Variants in KCND2 observed in about 807,000 individuals in gnomAD.
KCND2 encodes the protein A-type voltage-gated potassium channel KCND2.
Under a neutral mutation model 54.4 loss-of-function variants are expected in KCND2, and 16 were observed. The ratio of observed to expected loss-of-function variants is 0.29; its 90% confidence interval spans 0.20 to 0.45. KCND2 has a LOEUF of 0.45. Ranked by LOEUF, KCND2 falls within the 20% of genes least tolerant of loss-of-function variation. The pLI is 1.00. For missense variants in KCND2, 486 were observed against 824.2 expected (o/e 0.59, Z 5.02); for synonymous variants, 317 against 310.7 (o/e 1.02, Z -0.21).
At chr7:120,380,521 T>A (rs940262374) in intron 1 of KCND2, among the ~76,000 whole-genome samples, 1 of 152,006 alleles carries the variant, frequency 6.6e-6, no homozygotes, top group Admixed American at 6.6e-5. Context: ...TACAAAACAA[T>A]TGAAAGAGTC....
At chr7:120,565,729 T>A (rs1033936844) in intron 1 of KCND2, among the ~76,000 whole-genome samples, 1 of 152,218 alleles carries the variant, frequency 6.6e-6, no homozygotes, top group African/African-American at 2.4e-5. Context: ...GTTCCTTCTT[T>A]GAAAGATAGA....
chr7:120,541,785 T>C (rs1396067475), intron 1 of KCND2, among the ~76,000 whole-genome samples: 2 of 152,162 alleles, frequency 1.3e-5, no homozygotes, highest in East Asian at 3.8e-4. Flanking sequence ...AAATGGGCCA[T>C]ATTATGTCAC....
intron 1 of KCND2, among the ~76,000 whole-genome samples, chr7:120,385,617 T>C (rs1800976825): frequency 6.6e-6 from 1 of 152,142 alleles, no homozygotes; most frequent in Non-Finnish European, 1.5e-5. Flanking sequence ...ATAACTTATG[T>C]AGATAAACAG....
intron 1 of KCND2, among the ~76,000 whole-genome samples, chr7:120,584,974 G>A (rs1792574230): frequency 6.6e-6 from 1 of 152,184 alleles, no homozygotes; most frequent in African/African-American, 2.4e-5. Flanking sequence ...TTAATTAGAA[G>A]AGTGACTTTT....
At chr7:120,539,052 G>A (rs1427173318) in intron 1 of KCND2, among the ~76,000 whole-genome samples, 3 of 149,798 alleles carry the variant, frequency 2.0e-5, no homozygotes, top group Admixed American at 1.3e-4. Flanking sequence ...TAAATTATAA[G>A]TAATATGTAT....
intron 1 of KCND2, among the ~76,000 whole-genome samples, chr7:120,470,743 G>A (rs1436319257): frequency 1.3e-5 from 2 of 151,950 alleles, no homozygotes; most frequent in African/African-American, 4.8e-5. Context: ...TGTATATAAG[G>A]AGGGAAAGAG....
intron 1 of KCND2, among the ~76,000 whole-genome samples, chr7:120,483,894 G>T (rs929979921): frequency 4.6e-5 from 7 of 152,160 alleles, no homozygotes; most frequent in Non-Finnish European, 8.8e-5. Context: ...GTATGAGCAG[G>T]TTTCTGAGTG....
chr7:120,686,156 G>A (rs1424173676), intron 1 of KCND2, among the ~76,000 whole-genome samples: 1 of 152,146 alleles, frequency 6.6e-6, no homozygotes, highest in African/African-American at 2.4e-5. Context: ...AGATTAAATG[G>A]TAAATGGATA....
intron 1 of KCND2, among the ~76,000 whole-genome samples, chr7:120,563,026 G>A (rs948811120): frequency 6.6e-6 from 1 of 152,140 alleles, no homozygotes; most frequent in African/African-American, 2.4e-5. Context: ...ATTTGGATTA[G>A]AAATGTCATG....
chr7:120,625,198 C>T (rs990911060), intron 1 of KCND2, among the ~76,000 whole-genome samples: 7 of 152,036 alleles, frequency 4.6e-5, no homozygotes, highest in African/African-American at 1.7e-4. Context: ...TATTGCATCA[C>T]TTAGATCCGA....
At chr7:120,471,543 AG>A (rs1177846116) in intron 1 of KCND2, among the ~76,000 whole-genome samples, 14 of 152,102 alleles carry the variant, frequency 9.2e-5, no homozygotes, top group African/African-American at 3.4e-4. Flanking sequence ...TGACTTGGGT[AG>A]CATTCTAATA....
intron 1 of KCND2, among the ~76,000 whole-genome samples, chr7:120,674,817 A>G (rs1792038336): frequency 6.6e-6 from 1 of 152,222 alleles, no homozygotes; most frequent in African/African-American, 2.4e-5. Flanking sequence ...ATATTCTACC[A>G]GGTGAGTGTG....
At chr7:120,526,918 T>TG (rs1332616568) in intron 1 of KCND2, among the ~76,000 whole-genome samples, 1 of 152,162 alleles carries the variant, frequency 6.6e-6, no homozygotes, top group African/African-American at 2.4e-5. Context: ...TAAGGTAATA[T>TG]GACTTCCTTA....
chr7:120,646,128 T>C (rs1433615839), intron 1 of KCND2, among the ~76,000 whole-genome samples: 2 of 152,226 alleles, frequency 1.3e-5, no homozygotes, highest in Admixed American at 6.5e-5. Flanking sequence ...TGACACTACA[T>C]TATGACAATC....
Position 120,551,270 on chromosome 7 carries a change from A to T in KCND2, c.1116-181633A>T, listed in dbSNP as rs577334666. On this transcript the variant is annotated intron_variant, in intron 1 of 5. Coordinates refer to ENST00000331113, the MANE Select transcript of KCND2 (RefSeq NM_012281.3). The stretch of plus-strand genomic sequence containing the variant: ...ATAAAGTGCTATACAATTATAAGCC[A>T]TTTCTTTCTATTAAAAGTAGTTTCC... 3.3e-5 allele frequency among the ~76,000 whole-genome samples: 5 copies of T among 152,306 alleles called. No homozygotes were observed. In the East Asian group the frequency reaches 9.6e-4, roughly 29 times the overall value.
chr7:120,577,921 C>T (rs1451262080), intron 1 of KCND2, among the ~76,000 whole-genome samples: 2 of 151,958 alleles, frequency 1.3e-5, no homozygotes, highest in African/African-American at 4.8e-5. Context: ...ACATTTTTGG[C>T]CAGGCATGGC....
intron 1 of KCND2, among the ~76,000 whole-genome samples, chr7:120,479,702 G>A (rs966270094): frequency 4.0e-5 from 6 of 149,794 alleles, no homozygotes; most frequent in Non-Finnish European, 8.9e-5. Context: ...GCCAAGATGG[G>A]CTGATCACTT....
rs1801899347 is a variant in KCND2, at chr7:120,438,331, A to T, written c.1115+162584A>T. Among the ~76,000 whole-genome samples, 3 of 152,282 alleles carry T rather than the reference A, an allele frequency of 2.0e-5. 1 individual carries two copies. In the South Asian group the frequency reaches 6.2e-4, roughly 32 times the overall value. ...AGTTTTCACAATCCTCTCTTGTAACATCCTGTACTTGCTGGTATGACTCTT... is the reference window on the plus strand; with the variant it reads ...AGTTTTCACAATCCTCTCTTGTAACTTCCTGTACTTGCTGGTATGACTCTT... On this transcript the variant is annotated intron_variant, in intron 1 of 5. Coordinates refer to ENST00000331113, the MANE Select transcript of KCND2 (RefSeq NM_012281.3).
At chr7:120,699,125 CA>C (rs551248031) in intron 1 of KCND2, among the ~76,000 whole-genome samples, 562 of 151,738 alleles carry the variant, frequency 3.7e-3, no homozygotes, top group Non-Finnish European at 5.8e-3. Flanking sequence ...CTAAAAAATA[CA>C]AAAAAATTAG....
Sources: gnomAD v4.1 joint callset for allele counts (sites outside exome capture counted in the v4.1 genomes callset) on GRCh38, gnomAD v4.1.1 for gene constraint, MANE v1.5 for transcripts, NCBI Gene and HGNC (gene_info 2026-07-23, HGNC 2026-07-21) for gene names.